Variants in RPS6KA2 observed in about 807,000 individuals in gnomAD.
RPS6KA2 encodes the protein ribosomal protein S6 kinase A2, also known as ribosomal protein S6 kinase alpha-2.
RPS6KA2 carries 42 observed loss-of-function variants against 91.8 expected under a neutral mutation model. That is an observed-to-expected ratio of 0.46 (90% CI 0.36 to 0.59). RPS6KA2 has a LOEUF of 0.59. Ranked by LOEUF, RPS6KA2 falls within the 20% of genes least tolerant of loss-of-function variation. RPS6KA2 has a pLI of 0.00. For missense variants in RPS6KA2, 798 were observed against 978.5 expected (o/e 0.82, Z 2.46); for synonymous variants, 414 against 393.6 (o/e 1.05, Z -0.61).
At chr6:166,628,128 G>T (rs565073732), upstream of RPS6KA2, among the ~76,000 whole-genome samples, 192 of 152,372 alleles carry the variant, frequency 1.3e-3, 1 homozygote, top group African/African-American at 4.5e-3. Context: ...ACCCGGGCGG[G>T]GTGACCTGGG....
chr6:166,424,895 G>T (rs530786138), intron 16 of RPS6KA2, among the ~76,000 whole-genome samples: 1 of 152,292 alleles, frequency 6.6e-6, no homozygotes, highest in East Asian at 1.9e-4. Flanking sequence ...ACCCTCAAAG[G>T]GTAGCAGAGT....
chr6:166,535,929 G>A (rs1229626012), intron 2 of RPS6KA2, among the ~76,000 whole-genome samples: 1 of 152,216 alleles, frequency 6.6e-6, no homozygotes, highest in East Asian at 1.9e-4. Flanking sequence ...TCTCCCACAG[G>A]AACAAGCTTA....
Position 166,655,910 on chromosome 6 carries a change from A to T in RPS6KA2, c.124-117126T>A, listed in dbSNP as rs556109796. Among the ~76,000 whole-genome samples, 3 of 152,348 alleles carry T rather than the reference A, an allele frequency of 2.0e-5. No homozygotes were observed. In the East Asian group the frequency reaches 5.8e-4, roughly 29 times the overall value. Reference sequence around the variant, plus strand: ...GGTGCACTCGGAGACACGCCCAGGAATACCTGTAGCTGTCTTTGCAGGATA... The same window carrying T: ...GGTGCACTCGGAGACACGCCCAGGATTACCTGTAGCTGTCTTTGCAGGATA... On this transcript the variant is annotated intron_variant, in intron 2 of 21. Transcript: ENST00000503859.
rs11964677 is a variant in RPS6KA2, at chr6:166,603,994, G to C, written c.99+22927C>G. On this transcript the variant is annotated intron_variant, in intron 1 of 20. Transcript: ENST00000265678. The surrounding 1 kb of genome is among the most constrained non-coding windows in gnomAD (Gnocchi z 4.3). ...GTGTCCCTCCTAGAAGTCACGAAGA[G>C]AAAAGGGCGAGACTATGAAACAAAG... Among the ~76,000 whole-genome samples, 5,254 of 152,222 alleles carry C rather than the reference G, an allele frequency of 0.035. 288 individuals carry two copies. Among genetic ancestry groups the C allele is most frequent in the African/African-American group, 0.12 (4,981 of 41,500 alleles).
At chr6:166,454,152 T>C (rs1186882605) in intron 12 of RPS6KA2, among the ~76,000 whole-genome samples, 1 of 152,180 alleles carries the variant, frequency 6.6e-6, no homozygotes, top group African/African-American at 2.4e-5. Context: ...CTCACCACTA[T>C]GTACTCTACC....
rs1391831140 is a variant in RPS6KA2, at chr6:166,500,653, G to A, written c.604+234C>T. On this transcript the variant is annotated intron_variant, in intron 7 of 20. Coordinates refer to ENST00000265678, the MANE Select transcript of RPS6KA2 (RefSeq NM_021135.6). The surrounding 1 kb of genome is among the most constrained non-coding windows in gnomAD (Gnocchi z 4.3). ...GCTGAAGGAGCCCAGCAAACAGAAC[G>A]TGGCAGGGGAGAGGGAAAAGAAGGG... Among the ~76,000 whole-genome samples, 1 of 152,206 alleles carries A rather than the reference G, an allele frequency of 6.6e-6. No individual in the cohort carries two copies. Among genetic ancestry groups the A allele is most frequent in the Admixed American group, 6.5e-5 (1 of 15,288 alleles).
At position 166,434,776 on chromosome 6, in the gene RPS6KA2, C is replaced by T. The variant is rs1160415179; in HGVS notation, c.1333-2286G>A. On this transcript the variant is annotated intron_variant, in intron 14 of 20. Coordinates refer to ENST00000265678, the MANE Select transcript of RPS6KA2 (RefSeq NM_021135.6). The surrounding 1 kb of genome is among the most constrained non-coding windows in gnomAD (Gnocchi z 4.4). The stretch of plus-strand genomic sequence containing the variant: ...GAAAGTGGGAGCTTTTTCTCCACCG[C>T]CACGGACCATCTTCAAGATACAAGG... Among the ~76,000 whole-genome samples the T allele has an allele frequency of 6.6e-6, 1 of 152,114 alleles. No homozygotes were observed. The highest frequency in any genetic ancestry group is 2.4e-5 in the African/African-American group (1 of 41,410).
At chr6:166,757,489 C>T (rs1778048568) in intron 2 of RPS6KA2, 1 of 455,786 alleles carries the variant, frequency 2.2e-6, no homozygotes, top group Non-Finnish European at 4.4e-6. Flanking sequence ...AACTGCCAAG[C>T]TCCCTGGGAC....
At chr6:166,540,351 G>GC (rs1783615249) in intron 1 of RPS6KA2, among the ~76,000 whole-genome samples, 2 of 152,240 alleles carry the variant, frequency 1.3e-5, no homozygotes, top group Admixed American at 1.3e-4. Flanking sequence ...CGGATTAGAG[G>GC]CCTATGCAGT....
At chr6:166,636,190 G>A (rs1386466923) in intron 2 of RPS6KA2, among the ~76,000 whole-genome samples, 1 of 141,444 alleles carries the variant, frequency 7.1e-6, no homozygotes, top group African/African-American at 2.5e-5. Context: ...CGCCAAGGCC[G>A]TCCCACCTCC....
At position 166,612,403 on chromosome 6, in the gene RPS6KA2, G is replaced by T. The variant is rs149365739; in HGVS notation, c.99+14518C>A. ...TCTGAATTTGTAGTTTTCCTTAGGA[G>T]AAAGATGGCATGCACCCCTGGGTCA... On this transcript the variant is annotated intron_variant, in intron 1 of 20. Coordinates refer to ENST00000265678, the MANE Select transcript of RPS6KA2 (RefSeq NM_021135.6). The surrounding 1 kb of genome is among the most constrained non-coding windows in gnomAD (Gnocchi z 4.3). 3.3e-4 allele frequency among the ~76,000 whole-genome samples: 51 copies of T among 152,298 alleles called. No individual in the cohort carries two copies. Among genetic ancestry groups the T allele is most frequent in the Non-Finnish European group, 7.1e-4 (48 of 68,024 alleles).
In RPS6KA2 at chr6:166,412,636, G is replaced by A. The variant is rs1363277704; in HGVS notation, c.*126C>T. 4.2e-6 allele frequency: 4 copies of A among 960,554 alleles called. No homozygotes were observed. Among genetic ancestry groups the A allele is most frequent in the Non-Finnish European group, 6.0e-6 (4 of 670,692 alleles). The allele number at this position is 960,554 out of a possible 1,614,324, so 59.5% of individuals were successfully genotyped here. The stretch of plus-strand genomic sequence containing the variant: ...GGGCTGAAAAAGAAAACACGGACAC[G>A]GCGAGGGCGGGCGCCGCCTCCCTGC... On this transcript the variant is annotated 3_prime_UTR_variant, in exon 21 of 21. Transcript: ENST00000265678. This position sits in a 1 kb window ranked among gnomAD's most constrained non-coding sequence, Gnocchi z 4.3.
intron 2 of RPS6KA2, among the ~76,000 whole-genome samples, chr6:166,711,040 A>G (rs1789830354): frequency 6.6e-6 from 1 of 151,994 alleles, no homozygotes; most frequent in African/African-American, 2.4e-5. Flanking sequence ...TTCCACCCTC[A>G]TTAGTCTGTA....
intron 2 of RPS6KA2, among the ~76,000 whole-genome samples, chr6:166,747,368 C>G (rs1008382105): frequency 1.3e-5 from 2 of 152,216 alleles, no homozygotes; most frequent in Non-Finnish European, 2.9e-5. Flanking sequence ...CAGATACTGC[C>G]TGCCTCAAGG....
chr6:166,675,415 A>G (rs1439749155), intron 2 of RPS6KA2, among the ~76,000 whole-genome samples: 1 of 152,122 alleles, frequency 6.6e-6, no homozygotes, highest in Non-Finnish European at 1.5e-5. Context: ...GCTGTTAATC[A>G]GCTGCCTTTA....
intron 14 of RPS6KA2, among the ~76,000 whole-genome samples, chr6:166,447,196 T>C (rs1022469091): frequency 6.6e-6 from 1 of 152,174 alleles, no homozygotes; most frequent in African/African-American, 2.4e-5. Context: ...CTTGGTTTTC[T>C]CCTGCCCTTC....
intron 2 of RPS6KA2, chr6:166,757,609 C>G (rs917648961): frequency 6.6e-6 from 3 of 456,148 alleles, no homozygotes; most frequent in Admixed American, 2.3e-5. Flanking sequence ...GGGCCGGGCT[C>G]CCCTTGCCGT....
At chr6:166,586,465 C>T in intron 1 of RPS6KA2, 1 of 1,598,136 alleles carries the variant, frequency 6.3e-7, no homozygotes, top group Non-Finnish European at 8.5e-7. Flanking sequence ...ACAGCTTCGG[C>T]AGTGTCAGTC....
chr6:166,513,577 C>T (rs1782542560), intron 3 of RPS6KA2, among the ~76,000 whole-genome samples: 2 of 152,314 alleles, frequency 1.3e-5, no homozygotes, highest in South Asian at 2.1e-4. Context: ...CTGCCTGCCC[C>T]GCTCCACTGG....
Sources: allele counts gnomAD v4.1 joint callset (sites outside exome capture counted in the v4.1 genomes callset), GRCh38; gene constraint gnomAD v4.1.1; non-coding constraint Gnocchi (gnomAD v3.1); transcripts MANE v1.5; gene names NCBI Gene and HGNC (gene_info 2026-07-23, HGNC 2026-07-21).